Variants in TCF7 observed in about 807,000 individuals in gnomAD.
TCF7 encodes the protein transcription factor 7, also known as T-cell-factor-7.
Under a neutral mutation model 46.8 loss-of-function variants are expected in TCF7, and 19 were observed. The ratio of observed to expected loss-of-function variants is 0.41; its 90% CI spans 0.28 to 0.60. The LOEUF (loss-of-function observed/expected upper bound fraction) is 0.60. TCF7 is among the 20% of genes least tolerant of loss of function. TCF7 has a pLI of 0.35. For synonymous variants in TCF7, 245 were observed against 213.4 expected, an observed-to-expected ratio of 1.15 and a Z score of -1.29; for missense variants, 547 against 504.6, an observed-to-expected ratio of 1.08 and a Z score of -0.81.
At chr5:134,125,224 G>A (rs773578823) in intron 3 of TCF7, among the ~76,000 whole-genome samples, 4 of 152,224 alleles carry the variant, frequency 2.6e-5, no homozygotes, top group East Asian at 1.9e-4. Context: ...TGGTGGCAGC[G>A]GGCCCAGCCT....
intron 9 of TCF7, chr5:134,145,565 C>G: frequency 3.0e-6 from 2 of 669,030 alleles, no homozygotes; most frequent in Non-Finnish European, 2.6e-6. Flanking sequence ...AGAGGGTACT[C>G]CAGGCAGTAA....
intron 3 of TCF7, among the ~76,000 whole-genome samples, chr5:134,121,585 CAAAAAA>C (rs372851057): frequency 1.0e-5 from 1 of 100,088 alleles, no homozygotes; most frequent in Non-Finnish European, 2.3e-5. Flanking sequence ...CCAGACTCCT[CAAAAAA>C]AAAAAAAAAA....
chr5:134,113,045 T>A (rs1755364342), upstream of TCF7, among the ~76,000 whole-genome samples: 1 of 152,146 alleles, frequency 6.6e-6, no homozygotes, highest in Non-Finnish European at 1.5e-5. Context: ...ACCCTACCTA[T>A]AACCTCAGGA....
chr5:134,130,215 G>A (rs1303787381), intron 3 of TCF7, among the ~76,000 whole-genome samples: 1 of 152,246 alleles, frequency 6.6e-6, no homozygotes, highest in African/African-American at 2.4e-5. Context: ...CACAAATCGA[G>A]GCCTGGTCCA....
intron 3 of TCF7, among the ~76,000 whole-genome samples, chr5:134,132,380 C>T (rs923850197): frequency 9.9e-5 from 15 of 152,134 alleles, no homozygotes; most frequent in African/African-American, 3.4e-4. Flanking sequence ...ATAAATACAC[C>T]CTGACCAAAT....
chr5:134,141,429 G>A (rs1399212463), intron 5 of TCF7: 1 of 152,378 alleles, frequency 6.6e-6, no homozygotes, highest in East Asian at 1.9e-4. Flanking sequence ...GCAATGGCAG[G>A]GGATTCCACA....
chr5:134,116,679 C>T (rs1357114192), intron 3 of TCF7, among the ~76,000 whole-genome samples: 4 of 152,190 alleles, frequency 2.6e-5, no homozygotes, highest in Non-Finnish European at 5.9e-5. Context: ...TTAATTAATT[C>T]GTGAATTAAA....
At chr5:134,115,600 C>T (rs1755694785) in intron 2 of TCF7, 3 of 1,432,986 alleles carry the variant, frequency 2.1e-6, no homozygotes, top group Admixed American at 2.9e-5. Context: ...GTAAACAGAC[C>T]CCCGCCATCC....
intron 3 of TCF7, 32 bp downstream of exon 3, chr5:134,116,065 T>C: frequency 6.3e-7 from 1 of 1,594,426 alleles, no homozygotes; most frequent in African/African-American, 1.3e-5. Flanking sequence ...TGCCGCCCTG[T>C]GCTTGCAGCC....
chr5:134,119,913 TAGG>T (rs1756342810), intron 3 of TCF7, among the ~76,000 whole-genome samples: 1 of 152,130 alleles, frequency 6.6e-6, no homozygotes, highest in African/African-American at 2.4e-5. Flanking sequence ...TGAAGCCTGT[TAGG>T]AGGGAATTTG....
chr5:134,145,676 A>G (rs1760587003), intron 9 of TCF7: 1 of 1,557,060 alleles, frequency 6.4e-7, no homozygotes, highest in Non-Finnish European at 8.8e-7. Context: ...GTGTATCCAC[A>G]TACATATGCA....
At chr5:134,128,111 G>A (rs955708011) in intron 3 of TCF7, among the ~76,000 whole-genome samples, 2 of 152,156 alleles carry the variant, frequency 1.3e-5, no homozygotes, top group African/African-American at 4.8e-5. Flanking sequence ...CTTACACTCC[G>A]TTGCGTCTTT....
intron 3 of TCF7, among the ~76,000 whole-genome samples, chr5:134,130,410 C>G: frequency 6.6e-6 from 1 of 152,176 alleles, no homozygotes; most frequent in East Asian, 1.9e-4. Flanking sequence ...TGGGCCCTAG[C>G]AGTGCAAAGA....
upstream of TCF7, among the ~76,000 whole-genome samples, chr5:134,114,483 G>C (rs989996088): frequency 6.6e-6 from 1 of 152,144 alleles, no homozygotes; most frequent in Admixed American, 6.5e-5. Context: ...GTTCCCGTTA[G>C]AGTCTCTGCG....
At chr5:134,115,586 A>G (rs1755690665) in intron 2 of TCF7, 199 bp downstream of exon 2, 4 of 1,434,110 alleles carry the variant, frequency 2.8e-6, no homozygotes, top group Non-Finnish European at 3.7e-6. Flanking sequence ...TGACCTTTAT[A>G]GGAGTAAACA....
At chr5:134,139,197 T>A in intron 5 of TCF7, 159 bp downstream of exon 5, 1 of 1,171,402 alleles carries the variant, frequency 8.5e-7, no homozygotes, top group Non-Finnish European at 1.2e-6. Context: ...AACCTGGCTC[T>A]GAGCTAGGGG....
intron 3 of TCF7, among the ~76,000 whole-genome samples, chr5:134,125,040 T>A (rs114428866): frequency 0.017 from 2,609 of 152,304 alleles, 75 homozygotes; most frequent in African/African-American, 0.06. Context: ...TAGGAATCCC[T>A]GGCCATGGAG....
chr5:134,138,476 T>G, intron 4 of TCF7: 1 of 327,636 alleles, frequency 3.1e-6, no homozygotes, highest in Admixed American at 4.6e-5. Flanking sequence ...AGTGAGAAAA[T>G]GGAAAGTGGT....
At chr5:134,140,926 G>A in intron 5 of TCF7, 1 of 358,990 alleles carries the variant, frequency 2.8e-6, no homozygotes, top group Non-Finnish European at 5.5e-6. Context: ...CCTGCTTCCT[G>A]TTGCCCAGGC....
Sources: allele counts gnomAD v4.1 joint callset (sites outside exome capture counted in the v4.1 genomes callset), GRCh38; gene constraint gnomAD v4.1.1; transcripts MANE v1.5; gene names NCBI Gene and HGNC (gene_info 2026-07-23, HGNC 2026-07-21).